The following CNTNAP5 variants were observed in gnomAD, a reference collection of about 807,000 sequenced individuals.
CNTNAP5 encodes the protein contactin associated protein family member 5, also known as contactin-associated protein-like 5.
Under a neutral mutation model 150.2 loss-of-function variants are expected in CNTNAP5, and 72 were observed. That is an observed-to-expected ratio of 0.48 (90% CI 0.40 to 0.58). The LOEUF (loss-of-function observed/expected upper bound fraction) is 0.58, where lower values mean the gene tolerates loss of function less well. CNTNAP5 is among the 20% of genes least tolerant of loss of function. The pLI is 0.00. For synonymous variants in CNTNAP5, 672 were observed against 619.8 expected, an observed-to-expected ratio of 1.08 and a Z score of -1.25; for missense variants, 1,636 against 1,626.2, an observed-to-expected ratio of 1.01 and a Z score of -0.10.
chr2:124,647,024 T>C (rs56005816), intron 12 of CNTNAP5, among the ~76,000 whole-genome samples: 2,015 of 152,258 alleles, frequency 0.013, 45 homozygotes, highest in African/African-American at 0.045. Context: ...CCAAGCTTGT[T>C]CTTGGCAGAT....
chr2:124,218,686 T>A lies in CNTNAP5; in HGVS notation c.83-3019T>A, dbSNP rs541228229. Among the ~76,000 whole-genome samples the A allele has an allele frequency of 5.3e-5, 8 of 152,240 alleles. No homozygotes were observed. The East Asian group carries it at 1.5e-3, about 29-fold the overall frequency. ...GAAAACGGACAGTAGGGAATGGCAG[T>A]TATTGCCACAAGTTAATGGGCTCTG... On this transcript the variant is annotated intron_variant, in intron 1 of 23. Coordinates refer to ENST00000682447, the MANE Select transcript of CNTNAP5 (RefSeq NM_001367498.1).
At chr2:124,622,711 C>CCA (rs926086684) in intron 12 of CNTNAP5, among the ~76,000 whole-genome samples, 3 of 151,940 alleles carry the variant, frequency 2.0e-5, no homozygotes, top group Admixed American at 2.0e-4. Flanking sequence ...CTTTCAAAAC[C>CCA]CACACACACT....
At chr2:124,066,451 A>T (rs534803409) in intron 1 of CNTNAP5, among the ~76,000 whole-genome samples, 1 of 152,232 alleles carries the variant, frequency 6.6e-6, no homozygotes, top group East Asian at 1.9e-4. Flanking sequence ...ATCCCATTAG[A>T]TCAATGGCAT....
intron 3 of CNTNAP5, among the ~76,000 whole-genome samples, chr2:124,356,555 G>T (rs1360696136): frequency 6.7e-6 from 1 of 149,990 alleles, no homozygotes; most frequent in Non-Finnish European, 1.5e-5. Context: ...AGAATATGCG[G>T]TGTTTGGTTT....
chr2:124,527,252 C>T (rs772411421), intron 9 of CNTNAP5, 33 bp from the exon 10 acceptor site: 33 of 1,590,994 alleles, frequency 2.1e-5, no homozygotes, highest in Non-Finnish European at 7.7e-6. Flanking sequence ...ATCATTTCAG[C>T]ATTCTTCTTC....
At chr2:124,760,601 A>G (rs1573599282) in intron 14 of CNTNAP5, among the ~76,000 whole-genome samples, 1 of 152,076 alleles carries the variant, frequency 6.6e-6, no homozygotes, top group East Asian at 1.9e-4. Flanking sequence ...CATGCGTTTT[A>G]TTATTTTTGG....
chr2:124,773,057 C>T (rs777874808), intron 17 of CNTNAP5, 40 bp downstream of exon 17: 1 of 1,517,502 alleles, frequency 6.6e-7, no homozygotes, highest in Non-Finnish European at 9.1e-7. Context: ...CTAAACCCTG[C>T]AAGATCACTG....
intron 8 of CNTNAP5, among the ~76,000 whole-genome samples, chr2:124,520,791 T>C (rs986485211): frequency 6.4e-4 from 97 of 152,296 alleles, no homozygotes; most frequent in African/African-American, 1.9e-3. Flanking sequence ...ATTGGACACG[T>C]CTATTCTTTC....
At chr2:124,304,022 C>T (rs548469190) in intron 3 of CNTNAP5, among the ~76,000 whole-genome samples, 1 of 152,108 alleles carries the variant, frequency 6.6e-6, no homozygotes, top group Admixed American at 6.5e-5. Context: ...CAGAGTGAGA[C>T]CCTGTCTCAA....
intron 4 of CNTNAP5, among the ~76,000 whole-genome samples, chr2:124,428,185 C>T (rs1692286226): frequency 6.6e-6 from 1 of 152,142 alleles, no homozygotes; most frequent in South Asian, 2.1e-4. Flanking sequence ...ATTCCCACCA[C>T]ACCCCCACCT....
chr2:124,479,521 C>T (rs1231190403), intron 7 of CNTNAP5, among the ~76,000 whole-genome samples: 1 of 152,134 alleles, frequency 6.6e-6, no homozygotes. Context: ...ATGCAAATAA[C>T]TAATAGGAAG....
At chr2:124,089,080 G>A (rs11679532) in intron 1 of CNTNAP5, among the ~76,000 whole-genome samples, 41,574 of 151,884 alleles carry the variant, frequency 0.27, 6,143 homozygotes, top group Admixed American at 0.36. Context: ...ATAAATGAGG[G>A]AAAAACAAAA....
chr2:124,099,034 TTTGTGCAGTG>T (rs1683004121), intron 1 of CNTNAP5, among the ~76,000 whole-genome samples: 3 of 152,210 alleles, frequency 2.0e-5, no homozygotes, highest in Non-Finnish European at 4.4e-5. Flanking sequence ...CCCAAGCTCC[TTTGTGCAGTG>T]CTCAAGGACC....
intron 7 of CNTNAP5, among the ~76,000 whole-genome samples, chr2:124,480,371 C>T (rs146551154): frequency 2.0e-5 from 3 of 152,262 alleles, no homozygotes; most frequent in Admixed American, 6.5e-5. Flanking sequence ...TGTTGCCCTT[C>T]GTTTGCATCT....
At chr2:124,465,397 C>T (rs1693354281) in intron 6 of CNTNAP5, among the ~76,000 whole-genome samples, 1 of 151,924 alleles carries the variant, frequency 6.6e-6, no homozygotes, top group Non-Finnish European at 1.5e-5. Context: ...ATTCAATGAC[C>T]ACTAAGATCA....
intron 1 of CNTNAP5, among the ~76,000 whole-genome samples, chr2:124,201,116 T>G (rs1173200906): frequency 2.6e-5 from 4 of 152,218 alleles, no homozygotes; most frequent in Admixed American, 1.3e-4. Flanking sequence ...TAATTACTCC[T>G]CATTTCTACA....
intron 14 of CNTNAP5, 131 bp downstream of exon 14, chr2:124,747,516 T>C: frequency 9.5e-7 from 1 of 1,057,150 alleles, no homozygotes; most frequent in African/African-American, 1.6e-5. Context: ...TGACTTTTGT[T>C]TTTTAACCTT....
At chr2:124,423,056 G>A (rs1014609987) in intron 4 of CNTNAP5, among the ~76,000 whole-genome samples, 3 of 152,192 alleles carry the variant, frequency 2.0e-5, no homozygotes, top group Admixed American at 2.0e-4. Context: ...TGAGAAGTCA[G>A]TATAATGTTA....
intron 1 of CNTNAP5, among the ~76,000 whole-genome samples, chr2:124,221,142 A>T (rs987217086): frequency 3.3e-5 from 5 of 152,174 alleles, no homozygotes; most frequent in African/African-American, 1.2e-4. Flanking sequence ...ACTATTCACT[A>T]CTGCTTCACG....
Sources: allele counts gnomAD v4.1 joint callset (sites outside exome capture counted in the v4.1 genomes callset), GRCh38; gene constraint gnomAD v4.1.1; transcripts MANE v1.5; gene names NCBI Gene and HGNC (gene_info 2026-07-23, HGNC 2026-07-21).